The following MACROD2 variants were observed in gnomAD, a reference collection of about 807,000 sequenced individuals.
MACROD2 encodes ADP-ribose glycohydrolase MACROD2.
A neutral mutation model predicts 70.4 loss-of-function variants in MACROD2; 36 were observed. The ratio of observed to expected loss-of-function variants is 0.51; its 90% CI spans 0.39 to 0.68. The LOEUF is 0.68. Ranked by LOEUF, MACROD2 falls within the 30% of genes least tolerant of loss-of-function variation. MACROD2 has a pLI of 0.00. For synonymous variants in MACROD2, 172 were observed against 178.8 expected (o/e 0.96, Z 0.30); for missense variants, 496 against 538.4 (o/e 0.92, Z 0.78).
At chr20:14,900,543 G>A (rs759676908) in intron 5 of MACROD2, among the ~76,000 whole-genome samples, 16 of 149,446 alleles carry the variant, frequency 1.1e-4, no homozygotes, top group Admixed American at 4.7e-4. Flanking sequence ...AGTAGTTTGC[G>A]TCTTTCTGAG....
At chr20:15,657,866 C>A (rs557308311) in intron 8 of MACROD2, among the ~76,000 whole-genome samples, 1 of 152,284 alleles carries the variant, frequency 6.6e-6, no homozygotes, top group South Asian at 2.1e-4. Flanking sequence ...GTGGCACATG[C>A]CTGTAATACC....
At position 14,484,468 on chromosome 20, in the gene MACROD2, T is replaced by A. The variant is rs578215769; in HGVS notation, c.272-9011T>A. 2.6e-5 allele frequency among the ~76,000 whole-genome samples: 4 copies of A among 152,302 alleles called. No homozygotes were observed. The South Asian group carries it at 6.2e-4, about 24-fold the overall frequency. On this transcript the variant is annotated intron_variant, in intron 3 of 17. Transcript: ENST00000684519. ...CTAATTATACTCTTTTAGTTATTTT[T>A]AAATATACAACTAAATTATTATTTA...
chr20:14,534,561 T>C (rs1172105613), intron 4 of MACROD2, among the ~76,000 whole-genome samples: 1 of 152,236 alleles, frequency 6.6e-6, no homozygotes, highest in Middle Eastern at 3.2e-3. Context: ...CAAATACAGA[T>C]GTATTTTAGA....
chr20:14,725,519 G>C (rs1247242846), intron 5 of MACROD2, among the ~76,000 whole-genome samples: 1 of 152,096 alleles, frequency 6.6e-6, no homozygotes, highest in African/African-American at 2.4e-5. Flanking sequence ...CTCATATATA[G>C]TAGCTTCTCT....
chr20:15,022,545 T>C (rs1047979926), intron 5 of MACROD2, among the ~76,000 whole-genome samples: 1 of 152,222 alleles, frequency 6.6e-6, no homozygotes, highest in Admixed American at 6.5e-5. Context: ...TGTATTCATG[T>C]GACAGTCTCA....
chr20:14,391,750 T>C (rs1160496703), intron 3 of MACROD2, among the ~76,000 whole-genome samples: 2 of 149,024 alleles, frequency 1.3e-5, no homozygotes, highest in Non-Finnish European at 3.0e-5. Flanking sequence ...TTCTCACTTG[T>C]AAGTGGGAGC....
At chr20:14,366,136 A>AG (rs2083269694) in intron 3 of MACROD2, among the ~76,000 whole-genome samples, 1 of 152,128 alleles carries the variant, frequency 6.6e-6, no homozygotes, top group Admixed American at 6.6e-5. Flanking sequence ...GTGTTGTCCA[A>AG]GGCCTGTATT....
intron 5 of MACROD2, among the ~76,000 whole-genome samples, chr20:14,744,832 C>T (rs974095940): frequency 2.0e-5 from 3 of 152,110 alleles, no homozygotes; most frequent in Admixed American, 6.5e-5. Context: ...GAGAGTTTTG[C>T]TGTCATAGAC....
chr20:15,568,924 A>G (rs940967898), intron 8 of MACROD2, among the ~76,000 whole-genome samples: 5 of 152,176 alleles, frequency 3.3e-5, no homozygotes, highest in African/African-American at 1.2e-4. Context: ...TTAGAATCCA[A>G]AAGATTAAGG....
intron 3 of MACROD2, among the ~76,000 whole-genome samples, chr20:14,255,235 TAA>T (rs918316792): frequency 6.6e-6 from 1 of 151,928 alleles, no homozygotes; most frequent in Non-Finnish European, 1.5e-5. Context: ...GCAAATTGGA[TAA>T]AGAGTCAAGA....
chr20:15,740,244 A>G (rs1295179695), intron 8 of MACROD2, among the ~76,000 whole-genome samples: 2 of 152,234 alleles, frequency 1.3e-5, no homozygotes, highest in African/African-American at 4.8e-5. Context: ...CCTCCTTCTA[A>G]CAGCAGGGCA....
intron 6 of MACROD2, among the ~76,000 whole-genome samples, chr20:15,312,253 G>A (rs2146149536): frequency 6.6e-6 from 1 of 152,284 alleles, no homozygotes; most frequent in East Asian, 1.9e-4. Flanking sequence ...TGAGAAGATT[G>A]AACACTGGAT....
At chr20:14,221,366 T>C (rs79230025) in intron 3 of MACROD2, among the ~76,000 whole-genome samples, 3,989 of 152,262 alleles carry the variant, frequency 0.026, 92 homozygotes, top group Non-Finnish European at 0.035. Context: ...AAATCAAGCA[T>C]GTTGGGGGGC....
chr20:14,846,699 A>G (rs2073145369), intron 5 of MACROD2, among the ~76,000 whole-genome samples: 1 of 151,996 alleles, frequency 6.6e-6, no homozygotes, highest in Non-Finnish European at 1.5e-5. Flanking sequence ...TTATATTTTT[A>G]GTAGAGACAG....
intron 2 of MACROD2, among the ~76,000 whole-genome samples, chr20:14,049,738 A>G (rs978354891): frequency 3.3e-5 from 5 of 151,782 alleles, no homozygotes; most frequent in Non-Finnish European, 4.4e-5. Flanking sequence ...CCTGGGTGAC[A>G]AGAACAAGAC....
chr20:15,338,506 T>C (rs1003870151), intron 6 of MACROD2, among the ~76,000 whole-genome samples: 3 of 151,542 alleles, frequency 2.0e-5, no homozygotes, highest in Admixed American at 6.6e-5. Context: ...GAGGAGCTGA[T>C]GAGAACTGGT....
intron 8 of MACROD2, among the ~76,000 whole-genome samples, chr20:15,765,245 T>C (rs2051503743): frequency 6.6e-6 from 1 of 152,114 alleles, no homozygotes; most frequent in Non-Finnish European, 1.5e-5. Context: ...AGCTTTTCCT[T>C]ATTATTATTT....
At chr20:14,946,179 A>C (rs1441431562) in intron 5 of MACROD2, among the ~76,000 whole-genome samples, 1 of 150,734 alleles carries the variant, frequency 6.6e-6, no homozygotes, top group East Asian at 1.9e-4. Context: ...AGCCTGGGTG[A>C]CAAGAACAAA....
At chr20:15,059,562 C>T (rs1018838240) in intron 5 of MACROD2, among the ~76,000 whole-genome samples, 3 of 152,136 alleles carry the variant, frequency 2.0e-5, no homozygotes, top group Non-Finnish European at 4.4e-5. Flanking sequence ...TCTTTCAGGA[C>T]CATTAAAGAG....
Sources: allele counts gnomAD v4.1 joint callset (sites outside exome capture counted in the v4.1 genomes callset), GRCh38; gene constraint gnomAD v4.1.1; transcripts MANE v1.5; gene names NCBI Gene and HGNC (gene_info 2026-07-23, HGNC 2026-07-21).